The following CPVL variants were observed in gnomAD, a reference collection of about 807,000 sequenced individuals.
The protein encoded by CPVL is probable serine carboxypeptidase CPVL.
A neutral mutation model predicts 63.7 loss-of-function variants in CPVL; 51 were observed. That is an observed-to-expected ratio of 0.80 (90% CI 0.64 to 1.01). The LOEUF is 1.01. Ranked by LOEUF, CPVL falls within the 50% of genes least tolerant of loss-of-function variation. The probability of loss-of-function intolerance (pLI) is 0.00; values close to 1 mark genes in which losing one functional copy is unlikely to be tolerated. For missense variants in CPVL, 530 were observed against 573.1 expected (o/e 0.92, Z 0.77); for synonymous variants, 195 against 206.0 (o/e 0.95, Z 0.46).
At chr7:29,107,644 G>C (rs1387836208) in intron 3 of CPVL, among the ~76,000 whole-genome samples, 1 of 152,184 alleles carries the variant, frequency 6.6e-6, no homozygotes, top group Non-Finnish European at 1.5e-5. Context: ...TACAAACACT[G>C]ATCCCTGGGC....
chr7:29,143,056 C>T (rs1175890494), intron 1 of CPVL, among the ~76,000 whole-genome samples: 3 of 152,194 alleles, frequency 2.0e-5, no homozygotes, highest in Non-Finnish European at 4.4e-5. Flanking sequence ...CTTCAGTGAG[C>T]TTTCTAAAAC....
intron 1 of CPVL, among the ~76,000 whole-genome samples, chr7:29,138,500 T>C (rs1562788215): frequency 1.3e-5 from 2 of 152,068 alleles, no homozygotes; most frequent in Non-Finnish European, 2.9e-5. Flanking sequence ...TGTGATTATA[T>C]ATTAGAGTTG....
chr7:29,188,473 T>G (rs1584646234), intron 1 of CPVL, among the ~76,000 whole-genome samples: 1 of 152,360 alleles, frequency 6.6e-6, no homozygotes, highest in South Asian at 2.1e-4. Flanking sequence ...ATCAGAAGAT[T>G]GGCTCAGATA....
intron 1 of CPVL, among the ~76,000 whole-genome samples, chr7:29,125,639 C>T (rs1445345725): frequency 1.3e-5 from 2 of 152,054 alleles, no homozygotes; most frequent in South Asian, 2.1e-4. Flanking sequence ...GTGATCCACC[C>T]GCCTCGGCCT....
chr7:29,117,486 C>T (rs548512032), intron 2 of CPVL, among the ~76,000 whole-genome samples: 3 of 152,288 alleles, frequency 2.0e-5, no homozygotes, highest in African/African-American at 7.2e-5. Flanking sequence ...AAATCTTACC[C>T]GACACTCTGA....
intron 12 of CPVL, among the ~76,000 whole-genome samples, chr7:29,028,359 C>T (rs1045237200): frequency 3.3e-5 from 5 of 152,146 alleles, no homozygotes; most frequent in Admixed American, 6.5e-5. Flanking sequence ...GGATTAAAGA[C>T]TTAAACATAA....
At chr7:29,156,612 G>A (rs907961483) in intron 5 of CPVL, among the ~76,000 whole-genome samples, 1 of 152,314 alleles carries the variant, frequency 6.6e-6, no homozygotes, top group African/African-American at 2.4e-5. Context: ...GGGAAACTTT[G>A]TGGGTTTTTT....
intron 1 of CPVL, among the ~76,000 whole-genome samples, chr7:29,129,502 G>A (rs1259540324): frequency 4.2e-5 from 6 of 143,842 alleles, no homozygotes; most frequent in Non-Finnish European, 8.9e-5. Flanking sequence ...GACGAGTCTC[G>A]CTCGGTCGCC....
At chr7:29,076,162 T>G (rs1039655147) in intron 7 of CPVL, among the ~76,000 whole-genome samples, 1 of 152,182 alleles carries the variant, frequency 6.6e-6, no homozygotes, top group African/African-American at 2.4e-5. Context: ...GTGACTGCCT[T>G]ATGGATTAGA....
At chr7:29,087,423 CAAAAAAAAAAA>C (rs56726137) in intron 6 of CPVL, among the ~76,000 whole-genome samples, 1 of 71,400 alleles carries the variant, frequency 1.4e-5, no homozygotes, top group African/African-American at 4.5e-5. Context: ...GACTCTGTCT[CAAAAAAAAAAA>C]AAAAAAAAAA....
rs1165892123 is a variant in CPVL at position 29,096,984 on chromosome 7, C to CAAAA, written c.289-771_289-768dup. On this transcript the variant is annotated intron_variant, in intron 3 of 12. Transcript: ENST00000265394. ...TGGGTGACAGAGCGAGACTCTGTCT[C>CAAAA]AAAAAAAAAAAAAAAAAAAAAAAAA... Among the ~76,000 whole-genome samples, 268 of 50,902 alleles carry CAAAA rather than the reference C, an allele frequency of 5.3e-3. 1 individual carries two copies. The highest frequency in any genetic ancestry group is 7.1e-3 in the Non-Finnish European group (186 of 26,192). The allele number at this position is 50,902 out of a possible 152,430, so 33.4% of individuals were successfully genotyped here. A position where few individuals can be genotyped will look rare whatever the true frequency, so the allele number is the denominator to read the frequency against.
intron 5 of CPVL, among the ~76,000 whole-genome samples, chr7:29,157,899 G>C (rs554940053): frequency 3.9e-5 from 6 of 152,120 alleles, no homozygotes; most frequent in African/African-American, 1.4e-4. Flanking sequence ...AAATGCTCCG[G>C]CAGTCCTTTC....
chr7:29,064,151 A>G lies in CPVL; in HGVS notation c.1047T>C (p.Phe349=). Residue 349 remains phenylalanine, a synonymous_variant, in exon 11 of 13, where the codon TTT becomes TTC. Coordinates refer to ENST00000265394, the MANE Select transcript of CPVL (RefSeq NM_031311.5). ...RQAIHVGNQT[F]NDGTIVEKYL... is the part of the protein sequence containing the mutation. ...ACTTTTCAACTATAGTTCCATCATTAAAAGTCTGATTCCCCACGTGGATGG... is the reference window on the plus strand; with the variant it reads ...ACTTTTCAACTATAGTTCCATCATTGAAAGTCTGATTCCCCACGTGGATGG... The G allele has an allele frequency of 6.2e-7, 1 of 1,613,070 alleles. No individual in the cohort carries two copies. Among genetic ancestry groups the G allele is most frequent in the Non-Finnish European group, 8.5e-7 (1 of 1,179,086 alleles).
intron 1 of CPVL, chr7:29,192,291 C>T (rs539850289): frequency 1.3e-5 from 2 of 152,202 alleles, no homozygotes; most frequent in South Asian, 4.2e-4. Context: ...CAAATACCCC[C>T]GTCCCTTCAT....
chr7:29,019,677 G>A (rs1786761785), intron 12 of CPVL, among the ~76,000 whole-genome samples: 1 of 152,198 alleles, frequency 6.6e-6, no homozygotes, highest in African/African-American at 2.4e-5. Flanking sequence ...GCAAGTCCAT[G>A]GCTAAGGTCC....
At chr7:29,145,285 GT>G (rs1792383671) in intron 1 of CPVL, among the ~76,000 whole-genome samples, 1 of 151,626 alleles carries the variant, frequency 6.6e-6, no homozygotes, top group East Asian at 1.9e-4. Context: ...AAAAAAATGA[GT>G]TGTACATTTA....
At chr7:29,045,015 T>C (rs1342889094) in intron 11 of CPVL, among the ~76,000 whole-genome samples, 2 of 152,174 alleles carry the variant, frequency 1.3e-5, no homozygotes, top group African/African-American at 2.4e-5. Context: ...ATAAAGCCTT[T>C]ATGACATGAT....
chr7:29,189,341 T>C (rs1485786595), intron 1 of CPVL, among the ~76,000 whole-genome samples: 1 of 152,168 alleles, frequency 6.6e-6, no homozygotes, highest in Admixed American at 6.5e-5. Flanking sequence ...AATTAATGAA[T>C]GCTTGAATAA....
chr7:29,184,416 C>T (rs1040875738), intron 4 of CPVL: 2 of 151,954 alleles, frequency 1.3e-5, no homozygotes, highest in Non-Finnish European at 2.9e-5. Context: ...ATGCAATTGG[C>T]TCACTGATTA....
Sources: allele counts gnomAD v4.1 joint callset (sites outside exome capture counted in the v4.1 genomes callset), GRCh38; gene constraint gnomAD v4.1.1; transcripts MANE v1.5; gene names NCBI Gene and HGNC (gene_info 2026-07-23, HGNC 2026-07-21).